XPO4: variants seen among roughly 807,000 people sequenced by gnomAD.
XPO4 encodes exportin 4.
In XPO4, 39 loss-of-function variants were observed where a neutral mutation model predicts 143.0. The ratio of observed to expected loss-of-function variants is 0.27; its 90% CI spans 0.21 to 0.36. XPO4 has a LOEUF of 0.36. Ranked by LOEUF, XPO4 falls within the 10% of genes least tolerant of loss-of-function variation. The probability of loss-of-function intolerance (pLI) is 1.00; values close to 1 mark genes in which losing one functional copy is unlikely to be tolerated. For synonymous variants in XPO4, 439 were observed against 474.0 expected (o/e 0.93, Z 0.96); for missense variants, 907 against 1,348.0 (o/e 0.67, Z 5.12).
intron 11 of XPO4, among the ~76,000 whole-genome samples, 178 bp from the exon 12 acceptor site, chr13:20,808,759 A>G (rs144401564): frequency 6.6e-6 from 1 of 152,346 alleles, no homozygotes; most frequent in African/African-American, 2.4e-5. Context: ...TATTTTTTAT[A>G]ACATAGAATT....
chr13:20,899,862 A>G (rs951979086), intron 1 of XPO4, among the ~76,000 whole-genome samples: 1 of 152,202 alleles, frequency 6.6e-6, no homozygotes, highest in Non-Finnish European at 1.5e-5. Flanking sequence ...TGCTAAGATC[A>G]CTCTGTTTAA....
intron 4 of XPO4, chr13:20,849,759 C>T (rs2060064881): frequency 3.0e-6 from 3 of 985,266 alleles, no homozygotes; most frequent in East Asian, 1.1e-4. Context: ...TAAGATACTT[C>T]TGAAAGCCTT....
At chr13:20,871,266 C>T (rs1388503004) in intron 1 of XPO4, among the ~76,000 whole-genome samples, 3 of 152,084 alleles carry the variant, frequency 2.0e-5, no homozygotes, top group South Asian at 2.1e-4. Context: ...CTGCAACCTC[C>T]GCCTCGGCCT....
chr13:20,810,033 A>G, intron 9 of XPO4, 66 bp from the exon 10 acceptor site: 2 of 1,320,224 alleles, frequency 1.5e-6, no homozygotes, highest in Non-Finnish European at 2.0e-6. Flanking sequence ...CAACAGTCAT[A>G]TAAATACATA....
chr13:20,836,287 T>C (rs1178188213), intron 6 of XPO4, among the ~76,000 whole-genome samples: 1 of 152,214 alleles, frequency 6.6e-6, no homozygotes, highest in African/African-American at 2.4e-5. Flanking sequence ...ATGTTCTAAC[T>C]GATATTCGGT....
chr13:20,793,578 G>A (rs867751415), intron 18 of XPO4, among the ~76,000 whole-genome samples: 9 of 151,842 alleles, frequency 5.9e-5, no homozygotes, highest in Middle Eastern at 6.8e-3. Flanking sequence ...GATTGAAACA[G>A]AGTCTGGCTC....
intron 6 of XPO4, among the ~76,000 whole-genome samples, chr13:20,838,579 C>T (rs1306312425): frequency 6.9e-6 from 1 of 145,504 alleles, no homozygotes; most frequent in Non-Finnish European, 1.5e-5. Flanking sequence ...CACTGCACTC[C>T]AGCGTGGGCA....
At chr13:20,792,903 T>C (rs1359143496) in intron 18 of XPO4, among the ~76,000 whole-genome samples, 1 of 152,016 alleles carries the variant, frequency 6.6e-6, no homozygotes, top group Non-Finnish European at 1.5e-5. Context: ...TTCTCCTGCC[T>C]TAGCTTCCTG....
In XPO4 at chr13:20,781,389, A is replaced by G. The variant is rs766442558; in HGVS notation, c.*2333T>C. The G allele has an allele frequency of 6.5e-6, 1 of 152,672 alleles. No individual in the cohort carries two copies. Among genetic ancestry groups the G allele is most frequent in the Non-Finnish European group, 1.5e-5 (1 of 68,046 alleles). 9.5% of individuals were successfully genotyped at this position (152,672 alleles called of 1,614,324 possible). A position where few individuals can be genotyped will look rare whatever the true frequency, so the allele number is the denominator to read the frequency against. Reference sequence around the variant, plus strand: ...GCCGTTGCAACTCAGTGGCATCCCCATCACCTAAAAAATGGTAGTGGCTTC... The same window carrying G: ...GCCGTTGCAACTCAGTGGCATCCCCGTCACCTAAAAAATGGTAGTGGCTTC... On this transcript the variant is annotated 3_prime_UTR_variant, in exon 23 of 23. Coordinates refer to ENST00000255305, the MANE Select transcript of XPO4 (RefSeq NM_022459.5).
Position 20,819,597 on chromosome 13 carries a change from T to C in XPO4, c.1173+2107A>G, listed in dbSNP as rs186436108. On this transcript the variant is annotated intron_variant, in intron 9 of 22. Transcript: ENST00000255305. Reference sequence around the variant, plus strand: ...ATCGCTTGAACCTGTGAGGCAGAGGTTGCAGTGAGCCAAGACCGTGCCATC... The same window carrying C: ...ATCGCTTGAACCTGTGAGGCAGAGGCTGCAGTGAGCCAAGACCGTGCCATC... Among the ~76,000 whole-genome samples, 161 of 152,066 alleles carry C rather than the reference T, an allele frequency of 1.1e-3. 1 individual carries two copies. The highest frequency in any genetic ancestry group is 2.8e-3 in the Admixed American group (43 of 15,260).
rs534084298 is a variant in XPO4 at position 20,851,066 on chromosome 13, G to T, written c.456+4561C>A. On this transcript the variant is annotated intron_variant, in intron 4 of 22. Transcript: ENST00000255305. Reference sequence around the variant, plus strand: ...AGTTATCATTCTCCTTTCTTACAGAGGTTTTAATCATCTTGTTCACTGTCA... The same window carrying T: ...AGTTATCATTCTCCTTTCTTACAGATGTTTTAATCATCTTGTTCACTGTCA... 59 of 985,194 alleles carry T rather than the reference G, an allele frequency of 6.0e-5. No homozygotes were observed. The South Asian group carries it at 2.3e-3, about 39-fold the overall frequency. 61.0% of individuals were successfully genotyped at this position (985,194 alleles called of 1,614,324 possible). A position where few individuals can be genotyped will look rare whatever the true frequency, so the allele number is the denominator to read the frequency against.
intron 13 of XPO4, among the ~76,000 whole-genome samples, chr13:20,801,213 A>T (rs1323358607): frequency 6.6e-6 from 1 of 152,214 alleles, no homozygotes; most frequent in African/African-American, 2.4e-5. Context: ...AACACTAGAG[A>T]TGTCCTTCTG....
Position 20,788,574 on chromosome 13 carries a change from T to C in XPO4, c.2959A>G (p.Ile987Val). Residue 987 changes from isoleucine (I) to valine (V), a missense_variant, in exon 20 of 23, where the codon ATC becomes GTC. Transcript: ENST00000255305. ...CNQYYKLITF[I>V]CEIFPEKIPQ... The stretch of plus-strand genomic sequence containing the variant: ...ATTTTTTCAGGAAAAATCTCACAGA[T>C]AAATGTGATTAATTTGTAGTACTGA... The C allele has an allele frequency of 1.9e-6, 3 of 1,612,240 alleles. No homozygotes were observed. Among genetic ancestry groups the C allele is most frequent in the Non-Finnish European group, 2.5e-6 (3 of 1,179,242 alleles).
In XPO4 at chr13:20,800,187, G is replaced by A. The variant is rs2059413273; in HGVS notation, c.2116C>T (p.Leu706Phe). ...CTTCTTTCCACCAAAGTGACAAGGAGCTGCACAGTGTCATTTGCAAGGTCC... is the reference window on the plus strand; with the variant it reads ...CTTCTTTCCACCAAAGTGACAAGGAACTGCACAGTGTCATTTGCAAGGTCC... Reference protein sequence around the residue: ...EQDLANDTVQLLVTLVERRER... With the variant: ...EQDLANDTVQFLVTLVERRER... Residue 706 changes from leucine to phenylalanine, a missense_variant, in exon 15 of 23, where the codon CTC becomes TTC. By Grantham distance (22) the Leu-to-Phe change is conservative. Transcript: ENST00000255305. 1.2e-6 allele frequency: 2 copies of A among 1,614,004 alleles called. No homozygotes were observed. Among genetic ancestry groups the A allele is most frequent in the Non-Finnish European group, 1.7e-6 (2 of 1,180,024 alleles).
Position 20,837,147 on chromosome 13 carries a change from T to C in XPO4, c.727+5748A>G, listed in dbSNP as rs190230570. Among the ~76,000 whole-genome samples, 176 of 152,334 alleles carry C rather than the reference T, an allele frequency of 1.2e-3. 1 individual carries two copies. Among genetic ancestry groups the C allele is most frequent in the African/African-American group, 4.0e-3 (166 of 41,572 alleles). ...CATATAGTACTGCTCTGAACATTCA[T>C]GTACAAGTTTTTGTGTGGATGACTA... On this transcript the variant is annotated intron_variant, in intron 6 of 22. Coordinates refer to ENST00000255305, the MANE Select transcript of XPO4 (RefSeq NM_022459.5).
intron 1 of XPO4, among the ~76,000 whole-genome samples, chr13:20,874,385 C>T (rs935869870): frequency 1.3e-5 from 2 of 152,084 alleles, no homozygotes; most frequent in Non-Finnish European, 2.9e-5. Context: ...CAGAGACAGA[C>T]GGTGCTATGA....
At chr13:20,863,854 GCATGAAGATATATA>G (rs2060222919) in intron 2 of XPO4, among the ~76,000 whole-genome samples, 1 of 152,192 alleles carries the variant, frequency 6.6e-6, no homozygotes, top group Non-Finnish European at 1.5e-5. Flanking sequence ...TATCAGAAGA[GCATGAAGATATATA>G]CAGTCAAGCA....
chr13:20,848,440 CAT>C (rs1431986138), intron 4 of XPO4: 4 of 985,258 alleles, frequency 4.1e-6, no homozygotes, highest in Non-Finnish European at 4.8e-6. Flanking sequence ...ACCTAATTTG[CAT>C]AATTGTCCTA....
At chr13:20,845,919 CCTTT>C (rs565241429) in intron 4 of XPO4, among the ~76,000 whole-genome samples, 1 of 152,132 alleles carries the variant, frequency 6.6e-6, no homozygotes, top group Non-Finnish European at 1.5e-5. Flanking sequence ...TTTCACTTAT[CCTTT>C]CTAAGACTCT....
Sources: allele counts gnomAD v4.1 joint callset (sites outside exome capture counted in the v4.1 genomes callset), GRCh38; gene constraint gnomAD v4.1.1; transcripts MANE v1.5; gene names NCBI Gene and HGNC (gene_info 2026-07-23, HGNC 2026-07-21).